Variants in PPP4R3B observed in about 807,000 individuals in gnomAD.
The protein encoded by PPP4R3B is serine/threonine-protein phosphatase 4 regulatory subunit 3B.
Under a neutral mutation model 95.4 loss-of-function variants are expected in PPP4R3B, and 52 were observed. The ratio of observed to expected loss-of-function variants is 0.54; its 90% confidence interval spans 0.44 to 0.69. The LOEUF (loss-of-function observed/expected upper bound fraction) is 0.69. PPP4R3B is among the 30% of genes least tolerant of loss of function. PPP4R3B has a pLI of 0.00. For synonymous variants in PPP4R3B, 407 were observed against 343.9 expected (o/e 1.18, Z -2.03); for missense variants, 1,003 against 1,005.9 (o/e 1.00, Z 0.04).
intron 2 of PPP4R3B, among the ~76,000 whole-genome samples, chr2:55,612,660 G>T (rs1364473103): frequency 1.3e-5 from 2 of 151,952 alleles, no homozygotes; most frequent in Non-Finnish European, 2.9e-5. Flanking sequence ...AATTAGTAAG[G>T]TTGGCCGGGC....
intron 3 of PPP4R3B, among the ~76,000 whole-genome samples, chr2:55,601,855 TG>T (rs1692664505): frequency 6.6e-6 from 1 of 152,204 alleles, no homozygotes; most frequent in African/African-American, 2.4e-5. Context: ...TCAAATGTAT[TG>T]GGAGACTGAG....
intron 11 of PPP4R3B, 143 bp downstream of exon 11, chr2:55,577,172 T>C: frequency 5.8e-6 from 6 of 1,040,896 alleles, no homozygotes; most frequent in Non-Finnish European, 7.7e-6. Context: ...TTGGAGATAG[T>C]GGAATTACAA....
In PPP4R3B at chr2:55,615,515, TAAA is replaced by T; in HGVS notation, c.143-12_143-10del. The T allele has an allele frequency of 6.5e-7, 1 of 1,541,480 alleles. No homozygotes were observed. The highest frequency in any genetic ancestry group is 8.9e-7 in the Non-Finnish European group (1 of 1,127,860). Reference sequence around the variant, plus strand: ...TTCCAAGAGTAGTGATCCTGAAAGATAAAAAATAATACATCATAAGTCTCAAAT... The same window carrying T: ...TTCCAAGAGTAGTGATCCTGAAAGATAAATAATACATCATAAGTCTCAAAT... On this transcript the variant is annotated splice_polypyrimidine_tract_variant and intron_variant, in intron 1 of 16. Coordinates refer to ENST00000616407, the MANE Select transcript of PPP4R3B (RefSeq NM_001122964.3).
At chr2:55,554,355 G>C (rs1321728312) in intron 16 of PPP4R3B, among the ~76,000 whole-genome samples, 1 of 152,180 alleles carries the variant, frequency 6.6e-6, no homozygotes, top group Non-Finnish European at 1.5e-5. Flanking sequence ...CACCAGGCCT[G>C]TTGTGCTATT....
At chr2:55,582,408 C>T (rs539521343) in intron 7 of PPP4R3B, among the ~76,000 whole-genome samples, 1 of 152,272 alleles carries the variant, frequency 6.6e-6, no homozygotes, top group South Asian at 2.1e-4. Context: ...CATGAGCCAC[C>T]ATGCCTGACT....
chr2:55,582,049 G>T (rs894101941), intron 7 of PPP4R3B, among the ~76,000 whole-genome samples: 18 of 152,010 alleles, frequency 1.2e-4, no homozygotes, highest in African/African-American at 2.9e-4. Context: ...AGACTCAGGC[G>T]TAAATTTAGA....
At chr2:55,609,171 TC>T (rs377233633) in intron 2 of PPP4R3B, among the ~76,000 whole-genome samples, 37 of 152,224 alleles carry the variant, frequency 2.4e-4, no homozygotes, top group African/African-American at 8.4e-4. Flanking sequence ...TCATAATTCA[TC>T]TGATTTTTTT....
Position 55,558,959 on chromosome 2 carries a change from C to CT in PPP4R3B, c.2269dup (p.Ser757LysfsTer2), listed in dbSNP as rs752518721. ...TTTGGGAAGGTTTTCCTTGTCTTCA[C>CT]TTTCTTTTGCTAAAGCAAAAGTAAA... On this transcript the variant is annotated frameshift_variant, in exon 16 of 17. Transcript: ENST00000616407. LOFTEE classifies it high-confidence loss of function. The CT allele has an allele frequency of 6.2e-7, 1 of 1,604,788 alleles. No homozygotes were observed. Among genetic ancestry groups the CT allele is most frequent in the Non-Finnish European group, 8.5e-7 (1 of 1,176,796 alleles).
chr2:55,574,271 T>G (rs1688369776), intron 11 of PPP4R3B, among the ~76,000 whole-genome samples: 1 of 151,522 alleles, frequency 6.6e-6, no homozygotes, highest in Non-Finnish European at 1.5e-5. Flanking sequence ...AGAAGCATAT[T>G]ATCAGTTTTA....
chr2:55,601,566 G>C (rs1692616886), intron 3 of PPP4R3B, among the ~76,000 whole-genome samples: 1 of 152,002 alleles, frequency 6.6e-6, no homozygotes, highest in Admixed American at 6.6e-5. Context: ...ATTTTTAGTA[G>C]AGACGGGGTT....
chr2:55,598,418 G>C lies in PPP4R3B; in HGVS notation c.919C>G (p.Gln307Glu), dbSNP rs746190539. The C allele has an allele frequency of 4.3e-6, 7 of 1,612,210 alleles. No homozygotes were observed. The Admixed American group carries it at 1.2e-4, about 27-fold the overall frequency. ...FNKVEIVSML[Q>E]EDEKFLSEVF... is the part of the protein sequence containing the mutation. Reference sequence around the variant, plus strand: ...GTGAAGAGTATCTTTTTACTTACCTGCAACATGCTGACTATCTCAACTTTG... The same window carrying C: ...GTGAAGAGTATCTTTTTACTTACCTCCAACATGCTGACTATCTCAACTTTG... The change falls in exon 4 of 17, where the codon CAG becomes GAG. Residue 307 changes from glutamine to glutamate, a missense_variant and splice_region_variant. Around this residue, in one of 3 missense-constraint regions of PPP4R3B, gnomAD observed 695 missense variants for 686.2 expected, o/e 1.01. Transcript: ENST00000616407.
At chr2:55,564,836 A>T (rs1687082150) in intron 14 of PPP4R3B, 66 bp downstream of exon 14, 6 of 1,563,264 alleles carry the variant, frequency 3.8e-6, no homozygotes, top group Non-Finnish European at 4.3e-6. Context: ...CACATGGAAA[A>T]TCTGAACTAC....
intron 7 of PPP4R3B, among the ~76,000 whole-genome samples, chr2:55,582,959 A>T (rs1689630894): frequency 6.6e-6 from 1 of 152,126 alleles, no homozygotes; most frequent in Non-Finnish European, 1.5e-5. Flanking sequence ...TTATTGCTAA[A>T]TTTACCCTTT....
At chr2:55,554,103 T>G (rs748832170) in intron 16 of PPP4R3B, among the ~76,000 whole-genome samples, 3 of 152,204 alleles carry the variant, frequency 2.0e-5, no homozygotes, top group Non-Finnish European at 4.4e-5. Context: ...GACATTGTCT[T>G]AGAGACTCGA....
At chr2:55,616,747 C>G in intron 1 of PPP4R3B, 1 of 153,820 alleles carries the variant, frequency 6.5e-6, no homozygotes, top group African/African-American at 2.4e-5. Context: ...TTTAAAAACA[C>G]TCGGAAAGAA....
chr2:55,584,965 A>G, intron 7 of PPP4R3B, 86 bp downstream of exon 7: 1 of 1,032,802 alleles, frequency 9.7e-7, no homozygotes, highest in East Asian at 2.7e-5. Flanking sequence ...AAAGATTAAG[A>G]TTATGTTATG....
At chr2:55,568,394 A>G in intron 12 of PPP4R3B, 31 bp from the exon 13 acceptor site, 1 of 1,531,166 alleles carries the variant, frequency 6.5e-7, no homozygotes, top group Non-Finnish European at 8.8e-7. Flanking sequence ...GAATAAGTTA[A>G]TGATCTTACT....
chr2:55,571,335 A>G (rs1273818952), intron 12 of PPP4R3B, among the ~76,000 whole-genome samples: 9 of 152,112 alleles, frequency 5.9e-5, no homozygotes, highest in South Asian at 2.1e-4. Flanking sequence ...AATGCATTCA[A>G]TTGACATGTT....
chr2:55,611,669 T>G (rs1000214475), intron 2 of PPP4R3B, among the ~76,000 whole-genome samples: 1 of 152,226 alleles, frequency 6.6e-6, no homozygotes, highest in African/African-American at 2.4e-5. Flanking sequence ...AATTTAGTAG[T>G]TGGCTCATTT....
Sources: allele counts gnomAD v4.1 joint callset (sites outside exome capture counted in the v4.1 genomes callset), GRCh38; gene constraint gnomAD v4.1.1; regional missense constraint gnomAD v4.1.1; transcripts MANE v1.5; gene names NCBI Gene and HGNC (gene_info 2026-07-23, HGNC 2026-07-21).